IL21R: variants seen among roughly 807,000 people sequenced by gnomAD.
IL21R encodes interleukin 21 receptor, also known as interleukin-21 receptor.
Under a neutral mutation model 41.3 loss-of-function variants are expected in IL21R, and 14 were observed. The observed-to-expected ratio is 0.34, with a 90% CI of 0.22 to 0.53. The LOEUF (loss-of-function observed/expected upper bound fraction) is 0.53. Among genes scored for constraint, IL21R ranks in the 20% least tolerant of loss-of-function variants. The probability of loss-of-function intolerance (pLI) is 0.94; values close to 1 mark genes in which losing one functional copy is unlikely to be tolerated. For missense variants in IL21R, 588 were observed against 681.6 expected, an observed-to-expected ratio of 0.86 and a Z score of 1.53; for synonymous variants, 286 against 287.6, an observed-to-expected ratio of 0.99 and a Z score of 0.05.
intron 1 of IL21R, among the ~76,000 whole-genome samples, chr16:27,409,484 C>T (rs118047715): frequency 0.014 from 2,164 of 151,996 alleles, 22 homozygotes; most frequent in South Asian, 0.023. Context: ...TTCTTCTAGA[C>T]GATTTACTGT....
In IL21R at chr16:27,448,581, C is replaced by G; in HGVS notation, c.915C>G (p.Pro305=). The G allele has an allele frequency of 6.2e-7, 1 of 1,612,320 alleles. No individual in the cohort carries two copies. Among genetic ancestry groups the G allele is most frequent in the Non-Finnish European group, 8.5e-7 (1 of 1,179,680 alleles). Residue 305 remains proline (P), a synonymous_variant, in exon 9 of 9, where the codon CCC becomes CCG. Transcript: ENST00000337929. ...CTGGCTCCAGCCTGGAGCTGGGACCCTGGAGCCCAGAGGTGCCCTCCACCC... is the reference window on the plus strand; with the variant it reads ...CTGGCTCCAGCCTGGAGCTGGGACCGTGGAGCCCAGAGGTGCCCTCCACCC... The part of the protein sequence containing the change: ...PFTGSSLELG[P]WSPEVPSTLE...
chr16:27,449,199 G>A lies in IL21R; in HGVS notation c.1533G>A (p.Gly511=), dbSNP rs267604483. ...TGGAGTGTGACTTCACCAGCCCCGG[G>A]GACGAAGGACCCCCCCGGAGCTACC... is the stretch of plus-strand genomic sequence containing the variant. ...SPVECDFTSP[G]DEGPPRSYLR... The change falls in exon 9 of 9, where the codon GGG becomes GGA. Residue 511 remains glycine (G), a synonymous_variant. Coordinates refer to ENST00000337929, the MANE Select transcript of IL21R (RefSeq NM_181078.3). 3 of 1,612,942 alleles carry A rather than the reference G, an allele frequency of 1.9e-6. No homozygotes were observed. The highest frequency in any genetic ancestry group is 2.2e-5 in the South Asian group (2 of 91,076).
chr16:27,404,633 C>A (rs2086709667), intron 1 of IL21R, among the ~76,000 whole-genome samples: 1 of 152,168 alleles, frequency 6.6e-6, no homozygotes, highest in Non-Finnish European at 1.5e-5. Context: ...GGCACAGGGG[C>A]CTTCTCCACA....
chr16:27,421,373 T>G (rs2141273706), intron 1 of IL21R, among the ~76,000 whole-genome samples: 1 of 150,800 alleles, frequency 6.6e-6, no homozygotes, highest in African/African-American at 2.4e-5. Flanking sequence ...CAGCTGGGAT[T>G]TTTTATAGAG....
intron 4 of IL21R, among the ~76,000 whole-genome samples, chr16:27,438,879 A>G (rs898755660): frequency 3.3e-5 from 5 of 152,116 alleles, no homozygotes; most frequent in African/African-American, 1.2e-4. Context: ...CAAACAAAAC[A>G]AAACAGAACT....
Position 27,437,547 on chromosome 16 carries a change from C to A in IL21R, c.212C>A (p.Ala71Asp). The A allele has an allele frequency of 6.2e-7, 1 of 1,614,190 alleles. No homozygotes were observed. The highest frequency in any genetic ancestry group is 8.5e-7 in the Non-Finnish European group (1 of 1,180,026). Residue 71 changes from alanine to aspartate, a missense_variant, in exon 4 of 9, where the codon GCC becomes GAC. Coordinates refer to ENST00000337929, the MANE Select transcript of IL21R (RefSeq NM_181078.3). ...ACCTCCTGCAGCCTCCACAGGTCGG[C>A]CCACAATGCCACGCATGCCACCTAC... ...EATSCSLHRS[A>D]HNATHATYTC...
intron 3 of IL21R, among the ~76,000 whole-genome samples, chr16:27,435,287 T>C (rs2087248391): frequency 6.6e-6 from 1 of 151,974 alleles, no homozygotes. Context: ...AAACATGTAT[T>C]AAGTTCCTGC....
chr16:27,404,120 A>G (rs1381553433), intron 1 of IL21R, among the ~76,000 whole-genome samples: 4 of 152,180 alleles, frequency 2.6e-5, no homozygotes, highest in Non-Finnish European at 5.9e-5. Context: ...CATTCCCACG[A>G]GGACAGGCAA....
intron 1 of IL21R, among the ~76,000 whole-genome samples, chr16:27,425,649 G>A (rs1192594237): frequency 1.3e-5 from 2 of 151,676 alleles, no homozygotes; most frequent in African/African-American, 4.9e-5. Context: ...GCCTCTTCCT[G>A]GGTTCAAGCA....
intron 1 of IL21R, chr16:27,403,290 C>T: frequency 1.5e-6 from 2 of 1,293,190 alleles, no homozygotes; most frequent in Non-Finnish European, 2.0e-6. Context: ...GAGGCTGAGC[C>T]TTGAAGGATG....
At position 27,451,309 on chromosome 16, in the gene IL21R, A is replaced by T. The variant is rs1429449377; in HGVS notation, c.*2026A>T. ...TGCTGGGTGGCGGAGGGGAACACAG[A>T]TGGTTGGGGAAGGCCTGAGGCCAGA... On this transcript the variant is annotated 3_prime_UTR_variant, in exon 9 of 9. Coordinates refer to ENST00000337929, the MANE Select transcript of IL21R (RefSeq NM_181078.3). The T allele has an allele frequency of 4.4e-6, 1 of 227,840 alleles. No homozygotes were observed. Among genetic ancestry groups the T allele is most frequent in the Non-Finnish European group, 8.7e-6 (1 of 114,790 alleles). 14.1% of individuals were successfully genotyped at this position (227,840 alleles called of 1,614,324 possible). A position where few individuals can be genotyped will look rare whatever the true frequency, so the allele number is the denominator to read the frequency against.
At chr16:27,432,351 A>G (rs1456048361) in intron 2 of IL21R, among the ~76,000 whole-genome samples, 2 of 152,236 alleles carry the variant, frequency 1.3e-5, no homozygotes, top group Non-Finnish European at 2.9e-5. Flanking sequence ...TTGCAGTCAC[A>G]GAGCTACTTT....
intron 1 of IL21R, chr16:27,427,301 G>T: frequency 2.0e-6 from 2 of 985,544 alleles, no homozygotes; most frequent in Non-Finnish European, 1.2e-6. Context: ...AAGAGACGCC[G>T]GGCAGGCAGA....
At chr16:27,433,056 C>T (rs1369196349) in intron 2 of IL21R, among the ~76,000 whole-genome samples, 2 of 152,124 alleles carry the variant, frequency 1.3e-5, no homozygotes, top group Non-Finnish European at 2.9e-5. Flanking sequence ...TTCTTGGCTC[C>T]GCATATAGGT....
intron 2 of IL21R, 32 bp from the exon 3 acceptor site, chr16:27,434,315 C>A (rs370130025): frequency 5.8e-5 from 82 of 1,413,814 alleles, no homozygotes; most frequent in African/African-American, 3.8e-4. Context: ...AGCCACCCCC[C>A]ACCAAGGCCT....
At chr16:27,421,428 C>T (rs1190084257) in intron 1 of IL21R, among the ~76,000 whole-genome samples, 1 of 144,010 alleles carries the variant, frequency 6.9e-6, no homozygotes, top group Admixed American at 7.0e-5. Flanking sequence ...ATCTTGATAA[C>T]ATTAAGTTTT....
intron 2 of IL21R, among the ~76,000 whole-genome samples, chr16:27,431,280 T>C (rs1196432210): frequency 6.6e-6 from 1 of 152,202 alleles, no homozygotes; most frequent in East Asian, 1.9e-4. Flanking sequence ...TAAAAAGCCT[T>C]TGGGTCACCC....
chr16:27,426,635 AG>A (rs1198711231), intron 1 of IL21R, among the ~76,000 whole-genome samples: 1 of 152,268 alleles, frequency 6.6e-6, no homozygotes, highest in Non-Finnish European at 1.5e-5. Flanking sequence ...GCACTGGTAC[AG>A]CACTTCACAG....
rs1391717567 is a variant in IL21R at position 27,434,340 on chromosome 16, C to T, written c.50-7C>T. ...CACCAAGGCCTCTCTCCCCACTGACCCTCCAGGCTGGGGCTGCCCCGACCT... is the reference window on the plus strand; with the variant it reads ...CACCAAGGCCTCTCTCCCCACTGACTCTCCAGGCTGGGGCTGCCCCGACCT... On this transcript the variant is annotated splice_region_variant and splice_polypyrimidine_tract_variant and intron_variant, in intron 2 of 8. Transcript: ENST00000337929. The T allele has an allele frequency of 1.3e-6, 2 of 1,598,198 alleles. No individual in the cohort carries two copies. Among genetic ancestry groups the T allele is most frequent in the East Asian group, 2.2e-5 (1 of 44,830 alleles).
Sources: gnomAD v4.1 joint callset for allele counts (sites outside exome capture counted in the v4.1 genomes callset) on GRCh38, gnomAD v4.1.1 for gene constraint, MANE v1.5 for transcripts, NCBI Gene and HGNC (gene_info 2026-07-23, HGNC 2026-07-21) for gene names.